The following FBN2 variants were observed in gnomAD, a reference collection of about 807,000 sequenced individuals.
FBN2 encodes the protein fibrillin 2, also known as fibrillin-2.
A neutral mutation model predicts 355.6 loss-of-function variants in FBN2; 105 were observed. The observed-to-expected ratio is 0.30, with a 90% CI of 0.25 to 0.35. FBN2 has a LOEUF of 0.35. Ranked by LOEUF, FBN2 falls within the 10% of genes least tolerant of loss-of-function variation. The pLI is 1.00. For missense variants in FBN2, 3,280 were observed against 3,758.7 expected, an observed-to-expected ratio of 0.87 and a Z score of 3.33; for synonymous variants, 1,350 against 1,301.2, an observed-to-expected ratio of 1.04 and a Z score of -0.81.
intron 48 of FBN2, among the ~76,000 whole-genome samples, chr5:128,292,895 C>A (rs1413298655): frequency 2.0e-5 from 3 of 152,200 alleles, no homozygotes; most frequent in Non-Finnish European, 2.9e-5. Context: ...GTGCTCCCAT[C>A]TCCTGAACAG....
intron 16 of FBN2, among the ~76,000 whole-genome samples, chr5:128,367,108 G>A (rs1751792386): frequency 6.6e-6 from 1 of 152,098 alleles, no homozygotes; most frequent in African/African-American, 2.4e-5. Flanking sequence ...CCAACTTTTA[G>A]CAACTATCAT....
intron 5 of FBN2, among the ~76,000 whole-genome samples, chr5:128,488,712 T>C (rs575604352): frequency 1.8e-4 from 27 of 151,154 alleles, no homozygotes; most frequent in African/African-American, 6.6e-4. Context: ...CAGTGTGTTC[T>C]CATTGTTAAT....
At chr5:128,431,122 A>C (rs933198781) in intron 7 of FBN2, among the ~76,000 whole-genome samples, 1 of 152,242 alleles carries the variant, frequency 6.6e-6, no homozygotes, top group Admixed American at 6.5e-5. Flanking sequence ...AACGAAGAGT[A>C]GAAAAAATAG....
chr5:128,508,552 A>G (rs1329428408), intron 5 of FBN2, among the ~76,000 whole-genome samples: 2 of 151,898 alleles, frequency 1.3e-5, no homozygotes, highest in South Asian at 2.1e-4. Context: ...TTACCACCAC[A>G]TCTACTCTAC....
chr5:128,292,278 TATC>T (rs1457204735), intron 48 of FBN2, among the ~76,000 whole-genome samples: 1 of 152,166 alleles, frequency 6.6e-6, no homozygotes, highest in Non-Finnish European at 1.5e-5. Context: ...TTGACAGTGT[TATC>T]ATTTCCCCCT....
intron 48 of FBN2, among the ~76,000 whole-genome samples, chr5:128,299,169 T>G: frequency 6.6e-6 from 1 of 151,966 alleles, no homozygotes; most frequent in Non-Finnish European, 1.5e-5. Flanking sequence ...AGGGACCCAC[T>G]TGAGGAGGCA....
chr5:128,487,256 T>C (rs1755362989), intron 5 of FBN2, among the ~76,000 whole-genome samples: 1 of 152,148 alleles, frequency 6.6e-6, no homozygotes, highest in South Asian at 2.1e-4. Flanking sequence ...CCTTAGTAAC[T>C]ATGATGACCA....
chr5:128,295,774 G>A lies in FBN2; in HGVS notation c.6167-4120C>T, dbSNP rs369983023. On this transcript the variant is annotated intron_variant, in intron 48 of 64. Transcript: ENST00000262464. ...GGTTTTCTAGATATACAATCATGTCGTCTGCAAACAGGGACAATTTGACTT... is the reference window on the plus strand; with the variant it reads ...GGTTTTCTAGATATACAATCATGTCATCTGCAAACAGGGACAATTTGACTT... 9.2e-3 allele frequency among the ~76,000 whole-genome samples: 1,240 copies of A among 134,322 alleles called. 10 individuals are homozygous for A. Among genetic ancestry groups the A allele is most frequent in the Non-Finnish European group, 0.013 (846 of 63,988 alleles). 88.1% of individuals were successfully genotyped at this position (134,322 alleles called of 152,430 possible). A position where few individuals can be genotyped will look rare whatever the true frequency, so the allele number is the denominator to read the frequency against.
Position 128,335,086 on chromosome 5 carries a change from C to T in FBN2, c.3973+84G>A, listed in dbSNP as rs1750798840. On this transcript the variant is annotated intron_variant, in intron 30 of 64. Transcript: ENST00000262464. ...ATTTTTAAAATAACAACAGAAAAAGCCTTCCTTTTATCACGCTTGTGTGTG... is the reference window on the plus strand; with the variant it reads ...ATTTTTAAAATAACAACAGAAAAAGTCTTCCTTTTATCACGCTTGTGTGTG... 4 of 1,572,048 alleles carry T rather than the reference C, an allele frequency of 2.5e-6. No individual in the cohort carries two copies. The Admixed American group carries it at 5.0e-5, about 20-fold the overall frequency.
Position 128,288,547 on chromosome 5 carries a change from C to A in FBN2, c.6648G>T (p.Glu2216Asp). The change falls in exon 53 of 65, where the codon GAG (glutamate) becomes GAT (aspartate). Residue 2216 changes from glutamate (E) to aspartate (D), a missense_variant. Around this residue, in one of 6 missense-constraint regions of FBN2, gnomAD observed 2,284 missense variants for 2,749.5 expected, o/e 0.83. Coordinates refer to ENST00000262464, the MANE Select transcript of FBN2 (RefSeq NM_001999.4). Reference protein sequence around the residue: ...YTGVRCVDTDECSIGNPCGNG... With the variant: ...YTGVRCVDTDDCSIGNPCGNG... Reference sequence around the variant, plus strand: ...TTCCACACGGATTGCCGATTGAACACTCATCAGTATCTGAAAAAGAAGAAT... The same window carrying A: ...TTCCACACGGATTGCCGATTGAACAATCATCAGTATCTGAAAAAGAAGAAT... 6.2e-7 allele frequency: 1 copy of A among 1,613,734 alleles called. No homozygotes were observed. Among genetic ancestry groups the A allele is most frequent in the Non-Finnish European group, 8.5e-7 (1 of 1,179,930 alleles).
intron 5 of FBN2, among the ~76,000 whole-genome samples, chr5:128,469,359 T>C (rs1006578603): frequency 2.6e-5 from 4 of 151,952 alleles, no homozygotes; most frequent in African/African-American, 9.7e-5. Context: ...TGAAACCCTG[T>C]CTCTATTAAA....
chr5:128,529,037 G>A (rs1756640843), intron 3 of FBN2, among the ~76,000 whole-genome samples: 1 of 152,234 alleles, frequency 6.6e-6, no homozygotes, highest in Non-Finnish European at 1.5e-5. Context: ...GCCAAGGCAG[G>A]AGGAACTGTG....
chr5:128,415,702 T>A (rs1183023816), intron 7 of FBN2, among the ~76,000 whole-genome samples: 1 of 152,184 alleles, frequency 6.6e-6, no homozygotes, highest in Non-Finnish European at 1.5e-5. Context: ...AATAATTTCC[T>A]TTGAATAAAT....
At chr5:128,321,950 AT>A (rs1390189432) in intron 34 of FBN2, among the ~76,000 whole-genome samples, 2 of 152,182 alleles carry the variant, frequency 1.3e-5, no homozygotes, top group African/African-American at 4.8e-5. Flanking sequence ...GCTCTCCAGC[AT>A]CTGTTGTTTC....
intron 62 of FBN2, 120 bp downstream of exon 62, chr5:128,271,879 G>T: frequency 1.8e-6 from 2 of 1,142,698 alleles, no homozygotes; most frequent in Non-Finnish European, 2.6e-6. Context: ...CTTAAGGACT[G>T]GGTTTAAAGT....
At position 128,292,611 on chromosome 5, in the gene FBN2, C is replaced by A. The variant is rs142171463; in HGVS notation, c.6167-957G>T. Among the ~76,000 whole-genome samples the A allele has an allele frequency of 1.6e-3, 240 of 152,248 alleles. 2 individuals carry two copies. In the East Asian group the frequency reaches 0.03, roughly 19 times the overall value. On this transcript the variant is annotated intron_variant, in intron 48 of 64. Transcript: ENST00000262464. ...GAAACCAACACCACCGCCACCACCACCAACAACAAAAAAAACAAACACAAC... is the reference window on the plus strand; with the variant it reads ...GAAACCAACACCACCGCCACCACCAACAACAACAAAAAAAACAAACACAAC...
intron 15 of FBN2, among the ~76,000 whole-genome samples, chr5:128,370,211 C>G (rs1351788283): frequency 6.6e-6 from 1 of 152,080 alleles, no homozygotes; most frequent in African/African-American, 2.4e-5. Context: ...AAATGGTGAA[C>G]TATAAAAAAC....
chr5:128,310,400 ATATTTTTTTTTT>A (rs1395353973), intron 39 of FBN2, among the ~76,000 whole-genome samples: 3,480 of 13,190 alleles, frequency 0.26, 80 homozygotes, highest in Admixed American at 0.4. Context: ...ATATATATAT[ATATTTTTTTTTT>A]TTTTTTTTTA....
intron 6 of FBN2, among the ~76,000 whole-genome samples, chr5:128,463,237 A>C (rs1223607925): frequency 6.6e-6 from 1 of 152,096 alleles, no homozygotes; most frequent in African/African-American, 2.4e-5. Flanking sequence ...ATAATATAGA[A>C]TATCTTCCTA....
Sources: gnomAD v4.1 joint callset for allele counts (sites outside exome capture counted in the v4.1 genomes callset) on GRCh38, gnomAD v4.1.1 for gene constraint, gnomAD v4.1.1 regional missense constraint, MANE v1.5 for transcripts, NCBI Gene and HGNC (gene_info 2026-07-23, HGNC 2026-07-21) for gene names.